TYW5: variants seen among roughly 807,000 people sequenced by gnomAD.
TYW5 encodes the protein tRNA-yW synthesizing protein 5.
Under a neutral mutation model 44.4 loss-of-function variants are expected in TYW5, and 36 were observed. That is an observed-to-expected ratio of 0.81 (90% CI 0.62 to 1.07). TYW5 has a LOEUF of 1.07. Ranked by LOEUF, TYW5 falls within the 50% of genes least tolerant of loss-of-function variation. The pLI is 0.00. For synonymous variants in TYW5, 121 were observed against 128.1 expected (o/e 0.94, Z 0.37); for missense variants, 354 against 365.7 (o/e 0.97, Z 0.26).
In TYW5 at chr2:199,955,380, G is replaced by GC; in HGVS notation, c.78+12dup. 1.9e-6 allele frequency: 3 copies of GC among 1,612,570 alleles called. No homozygotes were observed. The highest frequency in any genetic ancestry group is 2.5e-6 in the Non-Finnish European group (3 of 1,179,480). On this transcript the variant is annotated intron_variant, in intron 1 of 7. Coordinates refer to ENST00000354611, the MANE Select transcript of TYW5 (RefSeq NM_001039693.3). Reference sequence around the variant, plus strand: ...CTGGTTTCTCGAGGTTCTGCCCCGCGCGAGGGCCTCACCTGTGGGTAGAGG... The same window carrying GC: ...CTGGTTTCTCGAGGTTCTGCCCCGCGCCGAGGGCCTCACCTGTGGGTAGAGG...
At chr2:199,951,248 A>G (rs1372174987) in intron 1 of TYW5, among the ~76,000 whole-genome samples, 4 of 152,198 alleles carry the variant, frequency 2.6e-5, no homozygotes, top group African/African-American at 9.7e-5. Flanking sequence ...AGCTTCCAAG[A>G]ACCTACTGAG....
At chr2:199,945,276 C>G (rs1448860936) in intron 2 of TYW5, 3 of 152,170 alleles carry the variant, frequency 2.0e-5, no homozygotes, top group Non-Finnish European at 2.9e-5. Context: ...TATAAAGACT[C>G]CACTGATACT....
chr2:199,931,044 T>C lies in TYW5; in HGVS notation c.*2023A>G, dbSNP rs2077373464. 1 of 152,182 alleles carries C rather than the reference T, an allele frequency of 6.6e-6. No homozygotes were observed. The highest frequency in any genetic ancestry group is 1.5e-5 in the Non-Finnish European group (1 of 68,034). The allele number at this position is 152,182 out of a possible 1,614,324, so 9.4% of individuals were successfully genotyped here. On this transcript the variant is annotated 3_prime_UTR_variant, in exon 8 of 8. Coordinates refer to ENST00000354611, the MANE Select transcript of TYW5 (RefSeq NM_001039693.3). The stretch of plus-strand genomic sequence containing the variant: ...TGAAATAAACAGACCCTAATATTAA[T>C]TATGACCAGGGAAATAATTTTAAAA...
At chr2:199,955,229 C>A in intron 1 of TYW5, 164 bp downstream of exon 1, 1 of 689,910 alleles carries the variant, frequency 1.4e-6, no homozygotes. Context: ...GTCGGCGTCC[C>A]CCGTGCACCT....
At chr2:199,953,557 G>C (rs980297849) in intron 1 of TYW5, among the ~76,000 whole-genome samples, 4 of 152,226 alleles carry the variant, frequency 2.6e-5, no homozygotes, top group Admixed American at 2.6e-4. Flanking sequence ...GAAATGTCAT[G>C]CTTATTATAC....
rs926848501 is a variant in TYW5 at position 199,940,792 on chromosome 2, C to T, written c.304-659G>A. ...ATCTCTAAAGCTACAATGATTTAGT[C>T]TTTATGTTCCAAATTATTTAGACTC... On this transcript the variant is annotated intron_variant, in intron 3 of 7. Coordinates refer to ENST00000354611, the MANE Select transcript of TYW5 (RefSeq NM_001039693.3). Among the ~76,000 whole-genome samples, 8 of 152,126 alleles carry T rather than the reference C, an allele frequency of 5.3e-5. No individual in the cohort carries two copies. The East Asian group carries it at 1.5e-3, about 29-fold the overall frequency.
Position 199,936,496 on chromosome 2 carries a change from A to C in TYW5, c.487-4T>G, listed in dbSNP as rs763711986. 4.2e-5 allele frequency: 68 copies of C among 1,610,632 alleles called. No homozygotes were observed. The highest frequency in any genetic ancestry group is 5.7e-5 in the Non-Finnish European group (67 of 1,177,902). ...GTATTAACAAATTATCCATTACCTGAAGACCAATAAAAGCTTATGGGTAAT... is the reference window on the plus strand; with the variant it reads ...GTATTAACAAATTATCCATTACCTGCAGACCAATAAAAGCTTATGGGTAAT... On this transcript the variant is annotated splice_polypyrimidine_tract_variant and splice_region_variant and intron_variant, in intron 5 of 7. Transcript: ENST00000354611.
chr2:199,949,711 T>G (rs568613550), intron 1 of TYW5, among the ~76,000 whole-genome samples: 1 of 152,342 alleles, frequency 6.6e-6, no homozygotes, highest in South Asian at 2.1e-4. Flanking sequence ...TGGTGTCGCC[T>G]TCTCAGCATG....
At chr2:199,942,656 G>A (rs1189903864) in intron 3 of TYW5, 1 of 151,876 alleles carries the variant, frequency 6.6e-6, no homozygotes, top group African/African-American at 2.4e-5. Flanking sequence ...AGACATTTTG[G>A]TTATACTACA....
chr2:199,951,283 C>T (rs2077542835), intron 1 of TYW5, among the ~76,000 whole-genome samples: 1 of 152,126 alleles, frequency 6.6e-6, no homozygotes, highest in Admixed American at 6.5e-5. Flanking sequence ...ACTTACTGTA[C>T]TAACTAGAAT....
chr2:199,937,612 T>A (rs2077430906), intron 5 of TYW5, among the ~76,000 whole-genome samples: 1 of 152,174 alleles, frequency 6.6e-6, no homozygotes. Flanking sequence ...CTGGTTGCAG[T>A]GAGCCAGGAT....
chr2:199,932,968 T>G lies in TYW5; in HGVS notation c.*99A>C, dbSNP rs189037928. 2.3e-5 allele frequency: 31 copies of G among 1,372,720 alleles called. No individual in the cohort carries two copies. The highest frequency in any genetic ancestry group is 4.2e-5 in the South Asian group (3 of 70,862). 85.0% of individuals were successfully genotyped at this position (1,372,720 alleles called of 1,614,324 possible). On this transcript the variant is annotated 3_prime_UTR_variant, in exon 8 of 8. Coordinates refer to ENST00000354611, the MANE Select transcript of TYW5 (RefSeq NM_001039693.3). ...CAAACACCCCTTCGTACTTACATAA[T>G]CTGTAAATCTGATGTATCTTTCCTA... is the stretch of plus-strand genomic sequence containing the variant.
At chr2:199,943,598 G>T in intron 3 of TYW5, 167 bp downstream of exon 3, 2 of 560,290 alleles carry the variant, frequency 3.6e-6, no homozygotes, top group Non-Finnish European at 6.2e-6. Flanking sequence ...GCCAAAGTTT[G>T]AGAGCTAATA....
chr2:199,933,404 T>G, intron 7 of TYW5, 81 bp from the exon 8 acceptor site: 1 of 1,180,070 alleles, frequency 8.5e-7, no homozygotes, highest in Non-Finnish European at 1.2e-6. Flanking sequence ...ATATCACGAA[T>G]TGCATATAGC....
At chr2:199,941,128 C>T (rs992403267) in intron 3 of TYW5, among the ~76,000 whole-genome samples, 12 of 152,250 alleles carry the variant, frequency 7.9e-5, no homozygotes, top group East Asian at 7.7e-4. Context: ...GATGCGATCA[C>T]GCCCACTGCA....
intron 1 of TYW5, among the ~76,000 whole-genome samples, chr2:199,954,094 C>T (rs568392953): frequency 2.5e-5 from 2 of 81,610 alleles, no homozygotes; most frequent in Admixed American, 1.7e-4. Flanking sequence ...CCTCCCGCAT[C>T]CCCCCAACCC....
At chr2:199,940,414 A>T (rs2077454372) in intron 3 of TYW5, among the ~76,000 whole-genome samples, 1 of 152,108 alleles carries the variant, frequency 6.6e-6, no homozygotes, top group Non-Finnish European at 1.5e-5. Flanking sequence ...GTACTCTGGG[A>T]GGCCAGGGCA....
intron 1 of TYW5, among the ~76,000 whole-genome samples, chr2:199,954,274 G>C (rs2077574585): frequency 6.7e-6 from 1 of 148,896 alleles, no homozygotes; most frequent in African/African-American, 2.5e-5. Flanking sequence ...GCTAATTTTT[G>C]TATTTTTTGT....
intron 1 of TYW5, among the ~76,000 whole-genome samples, chr2:199,953,943 G>C (rs973299273): frequency 1.3e-5 from 2 of 152,074 alleles, no homozygotes; most frequent in African/African-American, 2.4e-5. Context: ...CTGCCCTTTA[G>C]GCAACTTACG....
Sources: gnomAD v4.1 joint callset for allele counts (sites outside exome capture counted in the v4.1 genomes callset) on GRCh38, gnomAD v4.1.1 for gene constraint, MANE v1.5 for transcripts, NCBI Gene and HGNC (gene_info 2026-07-23, HGNC 2026-07-21) for gene names.